Variants in SIK3 observed in about 807,000 individuals in gnomAD.
SIK3 encodes serine/threonine-protein kinase SIK3.
SIK3 carries 28 observed loss-of-function variants against 144.2 expected under a neutral mutation model. That is an observed-to-expected ratio of 0.19 (90% CI 0.14 to 0.27). SIK3 has a LOEUF of 0.27. SIK3 is among the 10% of genes least tolerant of loss of function. SIK3 has a pLI of 1.00. For synonymous variants in SIK3, 686 were observed against 676.3 expected, an observed-to-expected ratio of 1.01 and a Z score of -0.22; for missense variants, 1,319 against 1,776.0, an observed-to-expected ratio of 0.74 and a Z score of 4.62.
chr11:116,913,174 G>C (rs1301146180), intron 4 of SIK3, among the ~76,000 whole-genome samples: 1 of 152,000 alleles, frequency 6.6e-6, no homozygotes, highest in Non-Finnish European at 1.5e-5. Context: ...AAGTCCTCAG[G>C]ATTTAGTAAT....
At chr11:117,007,248 A>T (rs377401993) in intron 1 of SIK3, among the ~76,000 whole-genome samples, 23 of 152,192 alleles carry the variant, frequency 1.5e-4, no homozygotes, top group African/African-American at 4.3e-4. Context: ...CTGGGTGGTG[A>T]GCACCTGTAA....
rs1941879873 is a variant in SIK3 at position 116,845,648 on chromosome 11, AGAG to A, written c.*14-22_*14-20del. 6.6e-6 allele frequency: 1 copy of A among 152,282 alleles called. No homozygotes were observed. Among genetic ancestry groups the A allele is most frequent in the African/African-American group, 2.4e-5 (1 of 41,472 alleles). 9.4% of individuals were successfully genotyped at this position (152,282 alleles called of 1,614,324 possible). On this transcript the variant is annotated intron_variant, in intron 24 of 24. Transcript: ENST00000445177. ...ACAAAACCTGGAATAAAGCAGACAC[AGAG>A]GAGAATTAGTTTGAAAAGAGAAAGG...
At chr11:116,965,865 G>T (rs1449331393) in intron 1 of SIK3, among the ~76,000 whole-genome samples, 1 of 149,084 alleles carries the variant, frequency 6.7e-6, no homozygotes, top group Non-Finnish European at 1.5e-5. Flanking sequence ...AACCTGGGAG[G>T]TGGAGGTTGC....
chr11:116,910,581 G>A (rs562064527), intron 4 of SIK3, among the ~76,000 whole-genome samples: 1 of 152,176 alleles, frequency 6.6e-6, no homozygotes, highest in East Asian at 1.9e-4. Flanking sequence ...TCGCTCTAAG[G>A]AACACCGGAG....
chr11:116,949,037 A>T (rs1290894108), intron 3 of SIK3, among the ~76,000 whole-genome samples: 1 of 152,220 alleles, frequency 6.6e-6, no homozygotes, highest in Non-Finnish European at 1.5e-5. Context: ...AAGTGAATTC[A>T]GAAAATACTT....
chr11:117,028,833 A>G (rs924217583), intron 1 of SIK3, among the ~76,000 whole-genome samples: 16 of 152,188 alleles, frequency 1.1e-4, no homozygotes, highest in African/African-American at 3.4e-4. Flanking sequence ...AGGAGACAGA[A>G]GACAGTGACG....
intron 4 of SIK3, among the ~76,000 whole-genome samples, chr11:116,898,201 A>G (rs998399202): frequency 2.1e-5 from 3 of 145,196 alleles, no homozygotes; most frequent in African/African-American, 7.7e-5. Context: ...TTCAATTCCC[A>G]CCTATGAGTG....
intron 1 of SIK3, among the ~76,000 whole-genome samples, chr11:117,033,248 G>A (rs1021473671): frequency 2.0e-4 from 31 of 152,284 alleles, no homozygotes; most frequent in Admixed American, 8.5e-4. Flanking sequence ...TCAGCACAGC[G>A]TGACTGCCTA....
chr11:116,953,571 T>A (rs1412626589), intron 3 of SIK3, among the ~76,000 whole-genome samples: 2 of 152,210 alleles, frequency 1.3e-5, no homozygotes, highest in Non-Finnish European at 2.9e-5. Flanking sequence ...CAAGAATTAC[T>A]GAGGGGAACT....
At chr11:116,993,416 A>T (rs1950558279) in intron 1 of SIK3, among the ~76,000 whole-genome samples, 1 of 77,792 alleles carries the variant, frequency 1.3e-5, no homozygotes, top group South Asian at 3.2e-4. Context: ...TTATTGTTTA[A>T]CTTTAAAAAA....
intron 3 of SIK3, among the ~76,000 whole-genome samples, chr11:116,948,658 TTCTC>T (rs1209899115): frequency 6.6e-6 from 1 of 152,148 alleles, no homozygotes; most frequent in Non-Finnish European, 1.5e-5. Context: ...TCTTTTTCTC[TTCTC>T]TCTCTCGTCA....
At chr11:116,950,877 T>A (rs1256975199) in intron 3 of SIK3, among the ~76,000 whole-genome samples, 2 of 152,212 alleles carry the variant, frequency 1.3e-5, no homozygotes, top group Non-Finnish European at 2.9e-5. Flanking sequence ...TTGAATAATG[T>A]TCCTTCATTT....
intron 21 of SIK3, among the ~76,000 whole-genome samples, chr11:116,852,303 G>C (rs1234039237): frequency 1.3e-5 from 2 of 152,326 alleles, no homozygotes; most frequent in East Asian, 3.9e-4. Flanking sequence ...TGCCTTGTCT[G>C]CTGTCTTCCC....
At position 116,887,183 on chromosome 11, in the gene SIK3, T is replaced by C. The variant is rs190149069; in HGVS notation, c.865+9070A>G. ...ATTTTGGGAGGCAGAGCCAGGCGGA[T>C]TGCTTGAACCTAGGAGTTCAAGACC... On this transcript the variant is annotated intron_variant, in intron 6 of 24. Coordinates refer to ENST00000445177, the MANE Select transcript of SIK3 (RefSeq NM_001366686.3). Among the ~76,000 whole-genome samples, 241 of 149,172 alleles carry C rather than the reference T, an allele frequency of 1.6e-3. 1 individual carries two copies. Among genetic ancestry groups the C allele is most frequent in the Middle Eastern group, 7.2e-3 (2 of 276 alleles).
At chr11:117,018,698 T>C (rs944517105) in intron 1 of SIK3, among the ~76,000 whole-genome samples, 8 of 144,812 alleles carry the variant, frequency 5.5e-5, no homozygotes, top group African/African-American at 2.2e-4. Context: ...TATTGTATCA[T>C]TGTTTTTATT....
chr11:116,984,183 C>G (rs1950249592), intron 1 of SIK3, among the ~76,000 whole-genome samples: 1 of 152,082 alleles, frequency 6.6e-6, no homozygotes, highest in Non-Finnish European at 1.5e-5. Flanking sequence ...CTCCCCACCA[C>G]ACTGAAAGTG....
chr11:116,897,130 G>C, intron 5 of SIK3, 63 bp downstream of exon 5: 1 of 1,546,530 alleles, frequency 6.5e-7, no homozygotes. Context: ...TTCAGGATGC[G>C]AATAGCTGTC....
At chr11:117,023,655 C>A (rs979036117) in intron 1 of SIK3, among the ~76,000 whole-genome samples, 1 of 136,258 alleles carries the variant, frequency 7.3e-6, no homozygotes, top group Non-Finnish European at 1.5e-5. Context: ...TTGCACACTG[C>A]ACTATGCCAG....
chr11:117,045,694 C>T (rs542166367), intron 1 of SIK3, among the ~76,000 whole-genome samples: 37 of 152,278 alleles, frequency 2.4e-4, no homozygotes, highest in Non-Finnish European at 4.3e-4. Flanking sequence ...ACAACACTTA[C>T]GACAAGCCAT....
Sources: allele counts gnomAD v4.1 joint callset (sites outside exome capture counted in the v4.1 genomes callset), GRCh38; gene constraint gnomAD v4.1.1; transcripts MANE v1.5; gene names NCBI Gene and HGNC (gene_info 2026-07-23, HGNC 2026-07-21).